Variants in SLC39A11 observed in about 807,000 individuals in gnomAD.
SLC39A11 encodes zinc transporter ZIP11.
A neutral mutation model predicts 36.1 loss-of-function variants in SLC39A11; 33 were observed. That is an observed-to-expected ratio of 0.91 (90% CI 0.69 to 1.22). The LOEUF (loss-of-function observed/expected upper bound fraction) is 1.22, where lower values mean the gene tolerates loss of function less well. SLC39A11 is among the 50% of genes most tolerant of loss of function. The pLI is 0.00. For synonymous variants in SLC39A11, 166 were observed against 170.3 expected (o/e 0.97, Z 0.20); for missense variants, 432 against 430.3 (o/e 1.00, Z -0.03).
intron 3 of SLC39A11, among the ~76,000 whole-genome samples, chr17:73,061,759 C>A (rs1014462135): frequency 2.0e-5 from 3 of 152,112 alleles, no homozygotes; most frequent in Non-Finnish European, 4.4e-5. Context: ...CTTTGGGAGG[C>A]CAAGGCGAGT....
chr17:72,791,581 T>C (rs2076705512), intron 6 of SLC39A11, among the ~76,000 whole-genome samples: 1 of 152,236 alleles, frequency 6.6e-6, no homozygotes, highest in Non-Finnish European at 1.5e-5. Context: ...AGACATTATT[T>C]CATTCAATGC....
In SLC39A11 at chr17:72,646,044, CATAAAA is replaced by C; in HGVS notation, c.*1534_*1539del. On this transcript the variant is annotated 3_prime_UTR_variant, in exon 10 of 10. Transcript: ENST00000255559. Reference sequence around the variant, plus strand: ...CATTATGTAGAACTACATACAAAGACATAAAAATAAAACATACATACACCAACCACC... The same window carrying C: ...CATTATGTAGAACTACATACAAAGACATAAAACATACATACACCAACCACC... 6.5e-6 allele frequency: 1 copy of C among 152,772 alleles called. No homozygotes were observed. The highest frequency in any genetic ancestry group is 2.4e-5 in the African/African-American group (1 of 41,580). 9.5% of individuals were successfully genotyped at this position (152,772 alleles called of 1,614,324 possible). A position where few individuals can be genotyped will look rare whatever the true frequency, so the allele number is the denominator to read the frequency against.
intron 4 of SLC39A11, among the ~76,000 whole-genome samples, chr17:72,991,660 T>C (rs8066589): frequency 0.52 from 78,848 of 152,106 alleles, 21,482 homozygotes; most frequent in Middle Eastern, 0.71. Context: ...GGCCCGGCCA[T>C]GCAACTTACT....
At chr17:72,886,041 T>A (rs1013695294) in intron 5 of SLC39A11, among the ~76,000 whole-genome samples, 9 of 152,174 alleles carry the variant, frequency 5.9e-5, no homozygotes, top group African/African-American at 2.2e-4. Flanking sequence ...TTTTTGAACA[T>A]CCCTCATTTG....
intron 6 of SLC39A11, among the ~76,000 whole-genome samples, chr17:72,798,577 G>T (rs1598779757): frequency 6.6e-6 from 1 of 151,804 alleles, no homozygotes; most frequent in Non-Finnish European, 1.5e-5. Flanking sequence ...CCATGCAGGG[G>T]TTTCACCACG....
intron 6 of SLC39A11, among the ~76,000 whole-genome samples, chr17:72,821,099 TGA>T (rs1011265246): frequency 2.7e-5 from 4 of 150,882 alleles, no homozygotes; most frequent in African/African-American, 9.7e-5. Context: ...ACTCAGAATG[TGA>T]GGTTTTTGGA....
intron 4 of SLC39A11, among the ~76,000 whole-genome samples, chr17:72,972,838 A>G (rs1598662795): frequency 6.6e-6 from 1 of 152,066 alleles, no homozygotes; most frequent in African/African-American, 2.4e-5. Flanking sequence ...TCCTGTCCTG[A>G]CCTTCCCTGC....
At chr17:73,058,408 C>T (rs928003384) in intron 3 of SLC39A11, among the ~76,000 whole-genome samples, 6 of 152,170 alleles carry the variant, frequency 3.9e-5, no homozygotes, top group Non-Finnish European at 7.3e-5. Flanking sequence ...GGGTGGCCTT[C>T]TGATCTCGTC....
At chr17:72,765,726 G>T (rs189574989) in intron 6 of SLC39A11, among the ~76,000 whole-genome samples, 10 of 152,298 alleles carry the variant, frequency 6.6e-5, no homozygotes, top group Non-Finnish European at 1.3e-4. Flanking sequence ...CAATGGCGAG[G>T]TGGCTATTTT....
intron 3 of SLC39A11, among the ~76,000 whole-genome samples, chr17:73,056,793 G>A (rs1024777355): frequency 4.6e-5 from 7 of 152,262 alleles, no homozygotes; most frequent in African/African-American, 1.4e-4. Context: ...CCAATTTCAT[G>A]TACAAGAACT....
intron 4 of SLC39A11, among the ~76,000 whole-genome samples, chr17:72,986,382 G>A (rs138613378): frequency 2.0e-4 from 30 of 152,272 alleles, no homozygotes; most frequent in Non-Finnish European, 3.2e-4. Flanking sequence ...ACAAAGCCCC[G>A]GTGAAGCTTT....
intron 3 of SLC39A11, among the ~76,000 whole-genome samples, chr17:73,066,750 G>A (rs1285087486): frequency 6.6e-6 from 1 of 152,210 alleles, no homozygotes; most frequent in Non-Finnish European, 1.5e-5. Context: ...CCAGGAGATG[G>A]AGAAAAACCA....
intron 5 of SLC39A11, among the ~76,000 whole-genome samples, chr17:72,901,055 G>A (rs1457177773): frequency 2.0e-5 from 3 of 152,072 alleles, no homozygotes; most frequent in East Asian, 1.9e-4. Flanking sequence ...CAACGCTGAG[G>A]AAACCCATCA....
chr17:73,075,522 A>G (rs779164163), intron 3 of SLC39A11, among the ~76,000 whole-genome samples: 31 of 152,216 alleles, frequency 2.0e-4, no homozygotes, highest in Non-Finnish European at 3.4e-4. Context: ...ATTGTGGTAT[A>G]AGAGTGTAAA....
At chr17:73,069,269 T>C (rs572260428) in intron 3 of SLC39A11, among the ~76,000 whole-genome samples, 123 of 152,290 alleles carry the variant, frequency 8.1e-4, no homozygotes, top group Middle Eastern at 3.4e-3. Flanking sequence ...ATTACGTTCT[T>C]AACAACCACA....
intron 3 of SLC39A11, among the ~76,000 whole-genome samples, chr17:73,041,442 G>T (rs1198548340): frequency 6.6e-6 from 1 of 152,164 alleles, no homozygotes; most frequent in Non-Finnish European, 1.5e-5. Flanking sequence ...GCCTAAAAGA[G>T]ACCTGATGGA....
rs142710590 is a variant in SLC39A11 at position 72,734,431 on chromosome 17, CAAT to C, written c.671+2216_671+2218del. On this transcript the variant is annotated intron_variant, in intron 7 of 9. Coordinates refer to ENST00000255559, the MANE Select transcript of SLC39A11 (RefSeq NM_139177.4). ...ATCATTCCTGCCCCTCAGGCTGTGA[CAAT>C]AATGGGTCAGGTGTGGGGGCATATG... Among the ~76,000 whole-genome samples, 1,361 of 152,240 alleles carry C rather than the reference CAAT, an allele frequency of 8.9e-3. 23 individuals are homozygous for C. Among genetic ancestry groups the C allele is most frequent in the African/African-American group, 0.03 (1,244 of 41,524 alleles).
intron 3 of SLC39A11, chr17:73,073,932 G>A (rs1190262716): frequency 6.6e-6 from 1 of 151,908 alleles, no homozygotes; most frequent in African/African-American, 2.4e-5. Flanking sequence ...GTCTTGTGGT[G>A]CTTTGGTTGT....
intron 5 of SLC39A11, among the ~76,000 whole-genome samples, chr17:72,939,387 A>G (rs2084955336): frequency 6.7e-6 from 1 of 149,714 alleles, no homozygotes; most frequent in Admixed American, 6.7e-5. Flanking sequence ...TGAACCCGGG[A>G]GGCGGAGGTT....
Sources: gnomAD v4.1 joint callset for allele counts (sites outside exome capture counted in the v4.1 genomes callset) on GRCh38, gnomAD v4.1.1 for gene constraint, MANE v1.5 for transcripts, NCBI Gene and HGNC (gene_info 2026-07-23, HGNC 2026-07-21) for gene names.